HSD3B2: variants seen among roughly 807,000 people sequenced by gnomAD.
The protein encoded by HSD3B2 is hydroxy-delta-5-steroid dehydrogenase, 3 beta- and steroid delta-isomerase 2.
In HSD3B2, 8 loss-of-function variants were observed where a neutral mutation model predicts 9.9. That is an observed-to-expected ratio of 0.81 (90% CI 0.47 to 1.46). The LOEUF (loss-of-function observed/expected upper bound fraction) is 1.46, where lower values mean the gene tolerates loss of function less well. HSD3B2 is among the 40% of genes most tolerant of loss of function. The pLI, the probability that HSD3B2 is intolerant of heterozygous loss-of-function variation, is 0.00. For missense variants in HSD3B2, 410 were observed against 448.3 expected (o/e 0.91, Z 0.77); for synonymous variants, 221 against 184.5 (o/e 1.20, Z -1.60).
At chr1:119,418,636 T>C (rs201339212) in intron 2 of HSD3B2, among the ~76,000 whole-genome samples, 1 of 42,894 alleles carries the variant, frequency 2.3e-5, no homozygotes, top group Non-Finnish European at 7.8e-5. Flanking sequence ...ATTACTATTA[T>C]TATTATTATT....
intron 2 of HSD3B2, among the ~76,000 whole-genome samples, chr1:119,418,645 T>C (rs1233925518): frequency 6.7e-6 from 1 of 148,662 alleles, no homozygotes; most frequent in Non-Finnish European, 1.5e-5. Flanking sequence ...ATTATTATTA[T>C]TATTATTATT....
Position 119,422,620 on chromosome 1 carries a change from A to C in HSD3B2, c.1119A>C (p.Ter373CysextTer95), listed in dbSNP as rs80358218. 12 of 1,613,736 alleles carry C rather than the reference A, an allele frequency of 7.4e-6. No homozygotes were observed. Among genetic ancestry groups the C allele is most frequent in the South Asian group, 2.2e-5 (2 of 91,066 alleles). The change falls in exon 4 of 4, where the codon TGA becomes TGC. Residue 373 changes from the stop codon to cysteine, a stop_lost. Coordinates refer to ENST00000369416, the MANE Select transcript of HSD3B2 (RefSeq NM_000198.4). ...AGACCCTGAAGTCCAAGACTCAGTGATTTAAGGATGACAGAGATGTGCATG... is the reference window on the plus strand; with the variant it reads ...AGACCCTGAAGTCCAAGACTCAGTGCTTTAAGGATGACAGAGATGTGCATG... ...HKETLKSKTQ[*>C]
intron 2 of HSD3B2, among the ~76,000 whole-genome samples, chr1:119,417,100 G>A (rs1044160380): frequency 1.3e-5 from 2 of 152,148 alleles, no homozygotes; most frequent in Non-Finnish European, 2.9e-5. Context: ...TATAGATGAG[G>A]AGACAGACAC....
At chr1:119,416,309 C>T (rs778655334) in intron 2 of HSD3B2, among the ~76,000 whole-genome samples, 3 of 151,866 alleles carry the variant, frequency 2.0e-5, no homozygotes, top group Non-Finnish European at 4.4e-5. Context: ...TCATATATAG[C>T]CTTTTTAAAA....
intron 3 of HSD3B2, 36 bp downstream of exon 3, chr1:119,419,618 T>C (rs1651806130): frequency 1.3e-6 from 2 of 1,597,688 alleles, no homozygotes; most frequent in Non-Finnish European, 1.7e-6. Context: ...AACAAGTTGG[T>C]TAAATGAGGA....
At chr1:119,417,129 G>C (rs1415080476) in intron 2 of HSD3B2, among the ~76,000 whole-genome samples, 2 of 152,162 alleles carry the variant, frequency 1.3e-5, no homozygotes, top group African/African-American at 4.8e-5. Flanking sequence ...TAATCAACTT[G>C]TCGAAGGTCC....
chr1:119,422,142 T>C lies in HSD3B2; in HGVS notation c.641T>C (p.Val214Ala), dbSNP rs1178325790. 2 of 1,613,970 alleles carry C rather than the reference T, an allele frequency of 1.2e-6. No individual in the cohort carries two copies. Among genetic ancestry groups the C allele is most frequent in the Non-Finnish European group, 1.7e-6 (2 of 1,180,002 alleles). ...ALNNNGILSS[V>A]GKFSTVNPVY... Reference sequence around the variant, plus strand: ...AACAACAATGGGATCCTGTCAAGTGTTGGAAAGTTCTCTACAGTCAACCCA... The same window carrying C: ...AACAACAATGGGATCCTGTCAAGTGCTGGAAAGTTCTCTACAGTCAACCCA... The change falls in exon 4 of 4, where the codon GTT becomes GCT. Residue 214 changes from valine (V) to alanine (A), a missense_variant. By Grantham distance (64) the Val-to-Ala change is moderately conservative. Transcript: ENST00000369416.
chr1:119,422,412 T>C lies in HSD3B2; in HGVS notation c.911T>C (p.Leu304Pro). 6.2e-7 allele frequency: 1 copy of C among 1,614,134 alleles called. No homozygotes were observed. Among genetic ancestry groups the C allele is most frequent in the Non-Finnish European group, 8.5e-7 (1 of 1,180,012 alleles). Residue 304 changes from leucine to proline, a missense_variant, in exon 4 of 4, where the codon CTC becomes CCC. Transcript: ENST00000369416. Reference sequence around the variant, plus strand: ...CTGCTGGAAGTAGTGAGCTTCCTACTCAGCCCAATTTACTCCTATCAACCC... The same window carrying C: ...CTGCTGGAAGTAGTGAGCTTCCTACCCAGCCCAATTTACTCCTATCAACCC... ...GFLLEVVSFLLSPIYSYQPPF... is the reference protein window; with the variant it reads ...GFLLEVVSFLPSPIYSYQPPF...
chr1:119,421,292 T>A (rs991604494), intron 3 of HSD3B2, among the ~76,000 whole-genome samples: 1 of 150,666 alleles, frequency 6.6e-6, no homozygotes, highest in Non-Finnish European at 1.5e-5. Context: ...ATTGTATTGA[T>A]GACAAATCAT....
chr1:119,421,391 GTATATATATA>G (rs1170102410), intron 3 of HSD3B2, among the ~76,000 whole-genome samples: 1 of 110,796 alleles, frequency 9.0e-6, no homozygotes, highest in African/African-American at 3.9e-5. Context: ...ATATATATAT[GTATATATATA>G]TGTATATATA....
In HSD3B2 at chr1:119,422,940, T is replaced by C. The variant is rs1196988808; in HGVS notation, c.*320T>C. 8.4e-6 allele frequency: 4 copies of C among 475,840 alleles called. No individual in the cohort carries two copies. The highest frequency in any genetic ancestry group is 5.7e-4 in the Middle Eastern group (1 of 1,752). 29.5% of individuals were successfully genotyped at this position (475,840 alleles called of 1,614,324 possible). On this transcript the variant is annotated 3_prime_UTR_variant, in exon 4 of 4. Transcript: ENST00000369416. Reference sequence around the variant, plus strand: ...TTGACTAATAGAGCTCCATTTCCCCTCTTAAATGAGAAAGCATTTCTTTTC... The same window carrying C: ...TTGACTAATAGAGCTCCATTTCCCCCCTTAAATGAGAAAGCATTTCTTTTC...
intron 2 of HSD3B2, among the ~76,000 whole-genome samples, chr1:119,417,823 C>T (rs1651751243): frequency 6.6e-6 from 1 of 152,178 alleles, no homozygotes; most frequent in African/African-American, 2.4e-5. Flanking sequence ...GCTATTCCTG[C>T]ACCTGGGGTA....
Position 119,422,768 on chromosome 1 carries a change from A to T in HSD3B2, c.*148A>T, listed in dbSNP as rs1651931273. 2.1e-6 allele frequency: 2 copies of T among 944,466 alleles called. No homozygotes were observed. 58.5% of individuals were successfully genotyped at this position (944,466 alleles called of 1,614,324 possible). A position where few individuals can be genotyped will look rare whatever the true frequency, so the allele number is the denominator to read the frequency against. On this transcript the variant is annotated 3_prime_UTR_variant, in exon 4 of 4. Transcript: ENST00000369416. Reference sequence around the variant, plus strand: ...CAATGCCCAACTTACTGTCTTCTTCATGTCATCAAAATCTGCACAGTCACT... The same window carrying T: ...CAATGCCCAACTTACTGTCTTCTTCTTGTCATCAAAATCTGCACAGTCACT...
intron 3 of HSD3B2, 72 bp from the exon 4 acceptor site, chr1:119,421,737 A>G (rs1570822251): frequency 6.5e-7 from 1 of 1,550,330 alleles, no homozygotes; most frequent in Non-Finnish European, 8.9e-7. Flanking sequence ...AGTGGGGCAC[A>G]TGGATCTGTG....
In HSD3B2 at chr1:119,422,581, G is replaced by T. The variant is rs752508551; in HGVS notation, c.1080G>T (p.Val360=). 6 of 1,613,948 alleles carry T rather than the reference G, an allele frequency of 3.7e-6. No individual in the cohort carries two copies. Among genetic ancestry groups the T allele is most frequent in the Non-Finnish European group, 5.1e-6 (6 of 1,180,002 alleles). ...QKTVEWVGSL[V]DRHKETLKSK... ...CCGTGGAGTGGGTTGGTTCCCTTGT[G>T]GACCGGCACAAGGAGACCCTGAAGT... is the stretch of plus-strand genomic sequence containing the variant. Residue 360 remains valine, a synonymous_variant, in exon 4 of 4, where the codon GTG becomes GTT. Coordinates refer to ENST00000369416, the MANE Select transcript of HSD3B2 (RefSeq NM_000198.4).
At position 119,421,813 on chromosome 1, in the gene HSD3B2, C is replaced by A. The variant is rs367646123; in HGVS notation, c.312C>A (p.Thr104=). Reference sequence around the variant, plus strand: ...CATCATGCTCTTCGTGGGCAGGTACCCAGCTACTGTTGGAGGCCTGTGTCC... The same window carrying A: ...CATCATGCTCTTCGTGGGCAGGTACACAGCTACTGTTGGAGGCCTGTGTCC... ...ESIMNVNVKG[T]QLLLEACVQA... The change falls in exon 4 of 4, where the codon ACC becomes ACA. Residue 104 remains threonine, a synonymous_variant. Transcript: ENST00000369416. 3 of 1,613,578 alleles carry A rather than the reference C, an allele frequency of 1.9e-6. No individual in the cohort carries two copies. Among genetic ancestry groups the A allele is most frequent in the Non-Finnish European group, 1.7e-6 (2 of 1,179,770 alleles).
Position 119,422,770 on chromosome 1 carries a change from G to A in HSD3B2, c.*150G>A, listed in dbSNP as rs1651931798. 3 of 937,492 alleles carry A rather than the reference G, an allele frequency of 3.2e-6. No individual in the cohort carries two copies. The allele number at this position is 937,492 out of a possible 1,614,324, so 58.1% of individuals were successfully genotyped here. A position where few individuals can be genotyped will look rare whatever the true frequency, so the allele number is the denominator to read the frequency against. Reference sequence around the variant, plus strand: ...ATGCCCAACTTACTGTCTTCTTCATGTCATCAAAATCTGCACAGTCACTGG... The same window carrying A: ...ATGCCCAACTTACTGTCTTCTTCATATCATCAAAATCTGCACAGTCACTGG... On this transcript the variant is annotated 3_prime_UTR_variant, in exon 4 of 4. Coordinates refer to ENST00000369416, the MANE Select transcript of HSD3B2 (RefSeq NM_000198.4).
In HSD3B2 at chr1:119,422,042, A is replaced by G; in HGVS notation, c.541A>G (p.Thr181Ala). Reference sequence around the variant, plus strand: ...TCTAAAAAATGGTGATACCTTGTACACTTGTGCGTTAAGACCCACATATAT... The same window carrying G: ...TCTAAAAAATGGTGATACCTTGTACGCTTGTGCGTTAAGACCCACATATAT... The part of the protein sequence containing the change: ...WNLKNGDTLY[T>A]CALRPTYIYG... Residue 181 changes from threonine (T) to alanine (A), a missense_variant, in exon 4 of 4, where the codon ACT (threonine) becomes GCT (alanine). Coordinates refer to ENST00000369416, the MANE Select transcript of HSD3B2 (RefSeq NM_000198.4). The G allele has an allele frequency of 1.9e-6, 3 of 1,614,112 alleles. No homozygotes were observed. The highest frequency in any genetic ancestry group is 2.5e-6 in the Non-Finnish European group (3 of 1,180,000).
rs151042497 is a variant in HSD3B2, at chr1:119,419,016, C to T, written c.143-402C>T. 4.2e-3 allele frequency among the ~76,000 whole-genome samples: 637 copies of T among 152,240 alleles called. 3 individuals are homozygous for T. The highest frequency in any genetic ancestry group is 7.3e-3 in the Non-Finnish European group (494 of 68,010). ...TGACATGGTGCTGGAGACCCAAAAT[C>T]ATAATTCTATACATGATTCCTCATC... On this transcript the variant is annotated intron_variant, in intron 2 of 3. Transcript: ENST00000369416.
Sources: allele counts gnomAD v4.1 joint callset (sites outside exome capture counted in the v4.1 genomes callset), GRCh38; gene constraint gnomAD v4.1.1; transcripts MANE v1.5; gene names NCBI Gene and HGNC (gene_info 2026-07-23, HGNC 2026-07-21).